The following MLLT3 variants were observed in gnomAD, a reference collection of about 807,000 sequenced individuals.
The protein encoded by MLLT3 is MLLT3 super elongation complex subunit.
In MLLT3, 4 loss-of-function variants were observed where a neutral mutation model predicts 53.2. The observed-to-expected ratio is 0.08, with a 90% CI of 0.04 to 0.17. MLLT3 has a LOEUF of 0.17. MLLT3 is among the 10% of genes least tolerant of loss of function. The probability of loss-of-function intolerance (pLI) is 1.00; values close to 1 mark genes in which losing one functional copy is unlikely to be tolerated. For synonymous variants in MLLT3, 283 were observed against 230.6 expected, an observed-to-expected ratio of 1.23 and a Z score of -2.06; for missense variants, 569 against 684.0, an observed-to-expected ratio of 0.83 and a Z score of 1.87.
intron 2 of MLLT3, among the ~76,000 whole-genome samples, chr9:20,614,855 T>A (rs1023507970): frequency 7.2e-6 from 1 of 139,482 alleles, no homozygotes; most frequent in Non-Finnish European, 1.6e-5. Context: ...GGGGCCAAGG[T>A]TGGTCCATGG....
At chr9:20,583,400 G>A (rs1819856300) in intron 2 of MLLT3, among the ~76,000 whole-genome samples, 2 of 152,244 alleles carry the variant, frequency 1.3e-5, no homozygotes, top group Admixed American at 1.3e-4. Context: ...GGGTCTGGAG[G>A]ACAGTAGCCT....
At chr9:20,357,256 C>T (rs1221030904) in intron 8 of MLLT3, among the ~76,000 whole-genome samples, 1 of 152,202 alleles carries the variant, frequency 6.6e-6, no homozygotes. Flanking sequence ...TCTCCCCTCC[C>T]TCCCTGCCAA....
chr9:20,418,445 T>C (rs903739013), intron 4 of MLLT3: 4 of 152,242 alleles, frequency 2.6e-5, no homozygotes, highest in African/African-American at 9.6e-5. Flanking sequence ...TTGAATTTGA[T>C]TTACTTTTCC....
At chr9:20,471,008 T>C (rs1312783516) in intron 2 of MLLT3, among the ~76,000 whole-genome samples, 1 of 151,922 alleles carries the variant, frequency 6.6e-6, no homozygotes, top group Non-Finnish European at 1.5e-5. Context: ...TTTCATCACG[T>C]CCCTGAAAGA....
intron 5 of MLLT3, among the ~76,000 whole-genome samples, chr9:20,400,654 G>A (rs1332719601): frequency 1.3e-5 from 2 of 151,958 alleles, no homozygotes; most frequent in Non-Finnish European, 2.9e-5. Flanking sequence ...AATTGTTGAA[G>A]CTGAGTGATG....
At chr9:20,409,342 A>C (rs1822665326) in intron 5 of MLLT3, among the ~76,000 whole-genome samples, 1 of 152,162 alleles carries the variant, frequency 6.6e-6, no homozygotes, top group African/African-American at 2.4e-5. Context: ...AACTCTATAC[A>C]CTTCTCTTCA....
At chr9:20,545,615 C>G (rs1818766341) in intron 2 of MLLT3, among the ~76,000 whole-genome samples, 1 of 152,030 alleles carries the variant, frequency 6.6e-6, no homozygotes, top group African/African-American at 2.4e-5. Context: ...AATATATTAC[C>G]TATATACAAA....
At chr9:20,408,404 G>C (rs1015852792) in intron 5 of MLLT3, among the ~76,000 whole-genome samples, 1 of 151,848 alleles carries the variant, frequency 6.6e-6, no homozygotes, top group Non-Finnish European at 1.5e-5. Context: ...AAAAAAATGC[G>C]TTAGAAAATA....
chr9:20,512,417 C>A (rs1225296805), intron 2 of MLLT3, among the ~76,000 whole-genome samples: 1 of 152,132 alleles, frequency 6.6e-6, no homozygotes, highest in Non-Finnish European at 1.5e-5. Flanking sequence ...ATTAGCACCA[C>A]CTGGGAACCT....
At position 20,556,300 on chromosome 9, in the gene MLLT3, T is replaced by C. The variant is rs571555143; in HGVS notation, c.193+64354A>G. ...CCTTGAGGCATAGGATATTTTTAAT[T>C]TTCAGTATTGATATATTTTTATTAC... On this transcript the variant is annotated intron_variant, in intron 2 of 10. Coordinates refer to ENST00000380338, the MANE Select transcript of MLLT3 (RefSeq NM_004529.4). Among the ~76,000 whole-genome samples the C allele has an allele frequency of 5.3e-5, 8 of 152,348 alleles. No individual in the cohort carries two copies. In the East Asian group the frequency reaches 1.5e-3, roughly 29 times the overall value.
Position 20,503,624 on chromosome 9 carries a change from A to G in MLLT3, c.194-46838T>C, listed in dbSNP as rs370538685. Among the ~76,000 whole-genome samples the G allele has an allele frequency of 2.9e-4, 44 of 152,318 alleles. No homozygotes were observed. The East Asian group carries it at 7.5e-3, about 26-fold the overall frequency. On this transcript the variant is annotated intron_variant, in intron 2 of 10. Transcript: ENST00000380338. ...AAACATAGCAGAAATTCTCCATGAC[A>G]TTATTCTGGGTGATGATTCTTTGGA...
rs1396895100 is a variant in MLLT3 at position 20,342,463 on chromosome 9, G to A, written c.*3980C>T. 4 of 221,784 alleles carry A rather than the reference G, an allele frequency of 1.8e-5. No homozygotes were observed. Among genetic ancestry groups the A allele is most frequent in the Non-Finnish European group, 3.6e-5 (4 of 111,064 alleles). 13.7% of individuals were successfully genotyped at this position (221,784 alleles called of 1,614,324 possible). A position where few individuals can be genotyped will look rare whatever the true frequency, so the allele number is the denominator to read the frequency against. ...ATACATTTTCACTTAATTTATTTTTGCACTGCATGGTAGCTCTGGCCACCA... is the reference window on the plus strand; with the variant it reads ...ATACATTTTCACTTAATTTATTTTTACACTGCATGGTAGCTCTGGCCACCA... On this transcript the variant is annotated 3_prime_UTR_variant, in exon 11 of 11. Transcript: ENST00000380338.
At chr9:20,570,213 G>A (rs1563822923) in intron 2 of MLLT3, among the ~76,000 whole-genome samples, 1 of 147,730 alleles carries the variant, frequency 6.8e-6, no homozygotes, top group African/African-American at 2.5e-5. Flanking sequence ...ATATTGTAAG[G>A]GACAAAAACT....
chr9:20,365,042 G>A (rs1008059834), intron 6 of MLLT3, among the ~76,000 whole-genome samples: 1 of 152,142 alleles, frequency 6.6e-6, no homozygotes, highest in Non-Finnish European at 1.5e-5. Context: ...ATATGTCCAG[G>A]AGGAAAGATG....
Position 20,602,185 on chromosome 9 carries a change from C to T in MLLT3, c.193+18469G>A, listed in dbSNP as rs142792594. Among the ~76,000 whole-genome samples the T allele has an allele frequency of 1.3e-4, 20 of 152,214 alleles. 1 individual carries two copies. In the South Asian group the frequency reaches 3.7e-3, roughly 28 times the overall value. ...CAATGAGAACTTCTTCCCGCTAACT[C>T]GTATGGCTATTTTCTCCATTTTCAA... On this transcript the variant is annotated intron_variant, in intron 2 of 10. Coordinates refer to ENST00000380338, the MANE Select transcript of MLLT3 (RefSeq NM_004529.4).
intron 2 of MLLT3, chr9:20,533,063 G>T (rs750970989): frequency 5.5e-5 from 14 of 255,144 alleles, no homozygotes; most frequent in Admixed American, 3.9e-4. Flanking sequence ...CTGTCTTCCT[G>T]CCTGCCCTGT....
chr9:20,395,432 A>T (rs1021963648), intron 5 of MLLT3, among the ~76,000 whole-genome samples: 1 of 152,198 alleles, frequency 6.6e-6, no homozygotes, highest in African/African-American at 2.4e-5. Context: ...CTACATATTC[A>T]TAATAGTCAA....
chr9:20,620,552 A>C lies in MLLT3; in HGVS notation c.193+102T>G, dbSNP rs1165258587. 9 of 1,064,254 alleles carry C rather than the reference A, an allele frequency of 8.5e-6. No individual in the cohort carries two copies. The highest frequency in any genetic ancestry group is 8.8e-6 in the Non-Finnish European group (7 of 797,436). The allele number at this position is 1,064,254 out of a possible 1,614,324, so 65.9% of individuals were successfully genotyped here. A position where few individuals can be genotyped will look rare whatever the true frequency, so the allele number is the denominator to read the frequency against. On this transcript the variant is annotated intron_variant, in intron 2 of 10. Coordinates refer to ENST00000380338, the MANE Select transcript of MLLT3 (RefSeq NM_004529.4). This position sits in a 1 kb window ranked among gnomAD's most constrained non-coding sequence, Gnocchi z 6.1. The stretch of plus-strand genomic sequence containing the variant: ...CCCGGATCCCGAGGCTACGCCGGCG[A>C]GCGCGGCGCGGGGGGCGGGGAGCGG...
At chr9:20,454,411 T>C (rs536500440) in intron 3 of MLLT3, among the ~76,000 whole-genome samples, 7 of 152,374 alleles carry the variant, frequency 4.6e-5, no homozygotes, top group African/African-American at 1.7e-4. Flanking sequence ...CAGATTCCTC[T>C]GTTCAACTCC....
Sources: allele counts gnomAD v4.1 joint callset (sites outside exome capture counted in the v4.1 genomes callset), GRCh38; gene constraint gnomAD v4.1.1; non-coding constraint Gnocchi (gnomAD v3.1); transcripts MANE v1.5; gene names NCBI Gene and HGNC (gene_info 2026-07-23, HGNC 2026-07-21).